Variants in CASZ1 observed in about 807,000 individuals in gnomAD.
The protein encoded by CASZ1 is castor zinc finger 1.
Under a neutral mutation model 135.2 loss-of-function variants are expected in CASZ1, and 28 were observed. The observed-to-expected ratio is 0.21, with a 90% CI of 0.15 to 0.28. CASZ1 has a LOEUF of 0.28. Among genes scored for constraint, CASZ1 ranks in the 10% least tolerant of loss-of-function variants. The pLI is 1.00. For synonymous variants in CASZ1, 1,068 were observed against 1,073.4 expected (o/e 0.99, Z 0.10); for missense variants, 2,161 against 2,453.3 (o/e 0.88, Z 2.52).
intron 1 of CASZ1, among the ~76,000 whole-genome samples, chr1:10,793,131 C>T (rs1484898914): frequency 6.6e-6 from 1 of 150,772 alleles, no homozygotes; most frequent in Non-Finnish European, 1.5e-5. Context: ...ATAAGGGGAG[C>T]AGATATAAAA....
At chr1:10,663,015 C>T (rs74052161) in intron 5 of CASZ1, among the ~76,000 whole-genome samples, 143 of 152,364 alleles carry the variant, frequency 9.4e-4, no homozygotes, top group African/African-American at 3.3e-3. Context: ...ACATGCCTCC[C>T]GTGTGCCATG....
intron 2 of CASZ1, among the ~76,000 whole-genome samples, chr1:10,728,594 A>AATT (rs1639638187): frequency 6.6e-6 from 1 of 151,222 alleles, no homozygotes; most frequent in Non-Finnish European, 1.5e-5. Flanking sequence ...TTCTTTTTTT[A>AATT]ATTATTATTA....
rs1202944928 is a variant in CASZ1 at position 10,638,341 on chromosome 1, C to G, written c.*601G>C. The G allele has an allele frequency of 6.6e-6, 1 of 152,122 alleles. No individual in the cohort carries two copies. Among genetic ancestry groups the G allele is most frequent in the African/African-American group, 2.4e-5 (1 of 41,390 alleles). The allele number at this position is 152,122 out of a possible 1,614,324, so 9.4% of individuals were successfully genotyped here. On this transcript the variant is annotated 3_prime_UTR_variant, in exon 21 of 21. Coordinates refer to ENST00000377022, the MANE Select transcript of CASZ1 (RefSeq NM_001079843.3). The surrounding 1 kb of genome is among the most constrained non-coding windows in gnomAD (Gnocchi z 5.9). ...TGGGGCCAGGGAGTCGCCAAACAGA[C>G]CCGACCCAGGCCTGGGGGAGCAGCC...
Position 10,743,209 on chromosome 1 carries a change from G to A in CASZ1, c.-77+17492C>T, listed in dbSNP as rs79892546. Among the ~76,000 whole-genome samples, 438 of 152,152 alleles carry A rather than the reference G, an allele frequency of 2.9e-3. 11 individuals carry two copies. In the East Asian group the frequency reaches 0.066, roughly 23 times the overall value. ...ACAGGAGGAGTCTGGGGCATAAACC[G>A]GAGAATCCCAGGGGATTCTGGGCGA... On this transcript the variant is annotated intron_variant, in intron 2 of 20. Transcript: ENST00000377022.
In CASZ1 at chr1:10,697,060, C is replaced by T. The variant is rs1638949173; in HGVS notation, c.-23-3148G>A. On this transcript the variant is annotated intron_variant, in intron 3 of 20. Transcript: ENST00000377022. This position sits in a 1 kb window ranked among gnomAD's most constrained non-coding sequence, Gnocchi z 4.7. ...TGTCAAGTCCCTGGCCAGGTAGCCA[C>T]AGGCTGAGTGGGCCCTGCCCAAGAG... Among the ~76,000 whole-genome samples, 1 of 152,232 alleles carries T rather than the reference C, an allele frequency of 6.6e-6. No individual in the cohort carries two copies. Among genetic ancestry groups the T allele is most frequent in the Admixed American group, 6.5e-5 (1 of 15,292 alleles).
Position 10,707,728 on chromosome 1 carries a change from T to A in CASZ1, c.-76-2184A>T, listed in dbSNP as rs11805515. 6.6e-6 allele frequency among the ~76,000 whole-genome samples: 1 copy of A among 152,096 alleles called. No homozygotes were observed. Among genetic ancestry groups the A allele is most frequent in the African/African-American group, 2.4e-5 (1 of 41,386 alleles). ...AAGTAGCTGAGAGTTCATCTTGGTC[T>A]CTTCTTCCTTCTCTGGGCATCTTTT... On this transcript the variant is annotated intron_variant, in intron 2 of 20. Coordinates refer to ENST00000377022, the MANE Select transcript of CASZ1 (RefSeq NM_001079843.3). The surrounding 1 kb of genome is among the most constrained non-coding windows in gnomAD (Gnocchi z 5.0).
At chr1:10,651,133 A>C (rs1048759623) in intron 11 of CASZ1, 57 bp from the exon 12 acceptor site, 14 of 1,390,946 alleles carry the variant, frequency 1.0e-5, no homozygotes, top group African/African-American at 1.5e-5. Context: ...GCCCGGGCAC[A>C]GACAGCCGCC....
chr1:10,785,740 C>T (rs1047558415), intron 1 of CASZ1, among the ~76,000 whole-genome samples: 1 of 152,262 alleles, frequency 6.6e-6, no homozygotes, highest in Non-Finnish European at 1.5e-5. Flanking sequence ...CGAGGCTCTG[C>T]GATGAGCTCA....
Position 10,646,845 on chromosome 1 carries a change from T to C in CASZ1, c.3498-519A>G, listed in dbSNP as rs1642376766. Among the ~76,000 whole-genome samples, 1 of 152,158 alleles carries C rather than the reference T, an allele frequency of 6.6e-6. No homozygotes were observed. The highest frequency in any genetic ancestry group is 6.5e-5 in the Admixed American group (1 of 15,282). On this transcript the variant is annotated intron_variant, in intron 16 of 20. Coordinates refer to ENST00000377022, the MANE Select transcript of CASZ1 (RefSeq NM_001079843.3). This position sits in a 1 kb window ranked among gnomAD's most constrained non-coding sequence, Gnocchi z 6.4. ...TCAGCTCCTGGGGGCTCACAGCTGC[T>C]GGGCTCCCCAGGATCAACTCGGGGC...
chr1:10,750,903 A>T (rs954860586), intron 2 of CASZ1, among the ~76,000 whole-genome samples: 22 of 150,588 alleles, frequency 1.5e-4, no homozygotes, highest in Admixed American at 2.0e-4. Flanking sequence ...TGTCTCAAAA[A>T]ATATATATAT....
chr1:10,683,180 G>C (rs185474249), intron 4 of CASZ1, among the ~76,000 whole-genome samples: 399 of 152,282 alleles, frequency 2.6e-3, no homozygotes, highest in Non-Finnish European at 3.9e-3. Context: ...GGGTTGTTTA[G>C]GCTAGGAATT....
At chr1:10,745,542 A>C (rs1234525365) in intron 2 of CASZ1, among the ~76,000 whole-genome samples, 2 of 152,168 alleles carry the variant, frequency 1.3e-5, no homozygotes, top group Admixed American at 1.3e-4. Flanking sequence ...TCTCATACTC[A>C]AAGGGCACCT....
At chr1:10,760,418 C>T (rs188702291) in intron 2 of CASZ1, among the ~76,000 whole-genome samples, 55 of 152,372 alleles carry the variant, frequency 3.6e-4, no homozygotes, top group African/African-American at 1.3e-3. Flanking sequence ...GTTATGCTAA[C>T]CTCTTCATTT....
rs1443024550 is a variant in CASZ1, at chr1:10,700,078, G to GAC, written c.-24+5413_-24+5414insGT. ...AGAGACAGAGAGAGAAAGAGAGATA[G>GAC]AGACACACACACACACACACACACA... On this transcript the variant is annotated intron_variant, in intron 3 of 20. Transcript: ENST00000377022. This position sits in a 1 kb window ranked among gnomAD's most constrained non-coding sequence, Gnocchi z 4.2. Among the ~76,000 whole-genome samples the GAC allele has an allele frequency of 2.0e-4, 15 of 74,178 alleles. No homozygotes were observed. The highest frequency in any genetic ancestry group is 6.4e-4 in the African/African-American group (11 of 17,194). The allele number at this position is 74,178 out of a possible 152,430, so 48.7% of individuals were successfully genotyped here.
In CASZ1 at chr1:10,679,988, G is replaced by A. The variant is rs1260194340; in HGVS notation, c.16+13886C>T. On this transcript the variant is annotated intron_variant, in intron 4 of 20. Coordinates refer to ENST00000377022, the MANE Select transcript of CASZ1 (RefSeq NM_001079843.3). This position sits in a 1 kb window ranked among gnomAD's most constrained non-coding sequence, Gnocchi z 4.7. ...CCCCTTGGCCCTTAGGGGACTCCTG[G>A]CTGGACTCTAGGGGGTCTGGACTGA... Among the ~76,000 whole-genome samples the A allele has an allele frequency of 1.3e-5, 2 of 152,138 alleles. No individual in the cohort carries two copies. Among genetic ancestry groups the A allele is most frequent in the African/African-American group, 2.4e-5 (1 of 41,424 alleles).
rs998574490 is a variant in CASZ1, at chr1:10,706,706, G to C, written c.-76-1162C>G. Among the ~76,000 whole-genome samples, 1 of 152,200 alleles carries C rather than the reference G, an allele frequency of 6.6e-6. No individual in the cohort carries two copies. The highest frequency in any genetic ancestry group is 2.4e-5 in the African/African-American group (1 of 41,444). ...CAGCTTTCGCCGCTTGTGTTGGGCT[G>C]CCCGGGCAGAGGGTGCCCACTGGGG... On this transcript the variant is annotated intron_variant, in intron 2 of 20. Coordinates refer to ENST00000377022, the MANE Select transcript of CASZ1 (RefSeq NM_001079843.3). This position sits in a 1 kb window ranked among gnomAD's most constrained non-coding sequence, Gnocchi z 4.3.
intron 11 of CASZ1, 133 bp downstream of exon 11, chr1:10,653,243 AG>A (rs781278943): frequency 1.0e-6 from 1 of 955,896 alleles, no homozygotes; most frequent in Non-Finnish European, 1.7e-6. Flanking sequence ...TCAGGCAAAG[AG>A]GGGGTGCTGG....
chr1:10,698,386 C>T (rs1469192129), intron 3 of CASZ1, among the ~76,000 whole-genome samples: 2 of 152,182 alleles, frequency 1.3e-5, no homozygotes, highest in Non-Finnish European at 2.9e-5. Context: ...CCCATAAATA[C>T]CGATGCCAGG....
chr1:10,738,521 A>G (rs1639844774), intron 2 of CASZ1, among the ~76,000 whole-genome samples: 2 of 152,264 alleles, frequency 1.3e-5, no homozygotes, highest in Non-Finnish European at 2.9e-5. Context: ...CTGCCAGGAT[A>G]GGCCAGGTGG....
Sources: gnomAD v4.1 joint callset for allele counts (sites outside exome capture counted in the v4.1 genomes callset) on GRCh38, gnomAD v4.1.1 for gene constraint, Gnocchi (gnomAD v3.1) non-coding constraint, MANE v1.5 for transcripts, NCBI Gene and HGNC (gene_info 2026-07-23, HGNC 2026-07-21) for gene names.